CNTNAP4: variants seen among roughly 807,000 people sequenced by gnomAD.
CNTNAP4 encodes contactin associated protein family member 4, also known as contactin-associated protein-like 4.
A neutral mutation model predicts 148.4 loss-of-function variants in CNTNAP4; 98 were observed. That is an observed-to-expected ratio of 0.66 (90% CI 0.56 to 0.78). CNTNAP4 has a LOEUF of 0.78. Among genes scored for constraint, CNTNAP4 ranks in the 30% least tolerant of loss-of-function variants. The probability of loss-of-function intolerance (pLI) is 0.00; values close to 1 mark genes in which losing one functional copy is unlikely to be tolerated. For missense variants in CNTNAP4, 1,935 were observed against 1,565.6 expected (o/e 1.24, Z -3.98); for synonymous variants, 730 against 565.1 (o/e 1.29, Z -4.14).
intron 3 of CNTNAP4, among the ~76,000 whole-genome samples, chr16:76,380,376 C>G (rs977308645): frequency 6.6e-6 from 1 of 152,288 alleles, no homozygotes; most frequent in African/African-American, 2.4e-5. Flanking sequence ...TAATCAGTCT[C>G]TCAGTCTCAT....
At chr16:76,377,699 AAGG>A (rs1179342091) in intron 3 of CNTNAP4, among the ~76,000 whole-genome samples, 2 of 152,226 alleles carry the variant, frequency 1.3e-5, no homozygotes, top group African/African-American at 4.8e-5. Flanking sequence ...ACTCATAAAA[AAGG>A]AGAATAAATG....
At chr16:76,505,080 A>G (rs2082793711) in intron 15 of CNTNAP4, among the ~76,000 whole-genome samples, 1 of 152,192 alleles carries the variant, frequency 6.6e-6, no homozygotes, top group Non-Finnish European at 1.5e-5. Flanking sequence ...TTAAACCCAC[A>G]TTTACCATAT....
chr16:76,317,357 T>C (rs1428528559), intron 2 of CNTNAP4, among the ~76,000 whole-genome samples: 1 of 149,762 alleles, frequency 6.7e-6, no homozygotes, highest in Non-Finnish European at 1.5e-5. Context: ...CTTGAATATG[T>C]TAAAAGGAAA....
intron 15 of CNTNAP4, among the ~76,000 whole-genome samples, chr16:76,511,654 T>C (rs1212878306): frequency 6.6e-6 from 1 of 152,178 alleles, no homozygotes; most frequent in Non-Finnish European, 1.5e-5. Flanking sequence ...CTTTATCTTA[T>C]TGGGTTTATC....
intron 15 of CNTNAP4, among the ~76,000 whole-genome samples, chr16:76,506,853 G>C (rs1012693024): frequency 5.2e-5 from 5 of 96,124 alleles, no homozygotes; most frequent in African/African-American, 1.3e-4. Flanking sequence ...CAGCCAGTGA[G>C]GTTCACAGGC....
intron 2 of CNTNAP4, 21 bp from the exon 3 acceptor site, chr16:76,355,297 T>C (rs2012433456): frequency 2.0e-6 from 3 of 1,490,000 alleles, no homozygotes; most frequent in Non-Finnish European, 9.0e-7. Context: ...AATTTTCTCC[T>C]GTTTCTATTT....
intron 3 of CNTNAP4, among the ~76,000 whole-genome samples, chr16:76,403,163 A>G (rs2078478990): frequency 6.7e-6 from 1 of 149,890 alleles, no homozygotes; most frequent in Non-Finnish European, 1.5e-5. Flanking sequence ...CGCGATCTCG[A>G]CTCACTGCAA....
intron 3 of CNTNAP4, among the ~76,000 whole-genome samples, chr16:76,374,763 T>G (rs34193737): frequency 0.16 from 24,458 of 148,632 alleles, 2,628 homozygotes; most frequent in East Asian, 0.45. Context: ...ATTATTATTA[T>G]TATTATTATT....
intron 17 of CNTNAP4, among the ~76,000 whole-genome samples, chr16:76,527,706 T>C (rs1231898661): frequency 6.6e-6 from 1 of 152,192 alleles, no homozygotes. Context: ...TAAAATTGTA[T>C]GGTATTTGAG....
At chr16:76,317,252 C>CAAAAAAAAAAACAAAAAAAAA (rs1961863055) in intron 2 of CNTNAP4, among the ~76,000 whole-genome samples, 1 of 86,282 alleles carries the variant, frequency 1.2e-5, no homozygotes, top group Non-Finnish European at 2.4e-5. Context: ...GACCCTGTCT[C>CAAAAAAAAAAACAAAAAAAAA]AAAAAAAAAA....
At chr16:76,298,481 CATGTATGTGTGTGTGT>C (rs1307574061) in intron 1 of CNTNAP4, among the ~76,000 whole-genome samples, 1 of 134,832 alleles carries the variant, frequency 7.4e-6, no homozygotes, top group African/African-American at 2.8e-5. Context: ...CATGTGTGTA[CATGTATGTGTGTGTGT>C]GTGTGTGTGT....
intron 20 of CNTNAP4, among the ~76,000 whole-genome samples, chr16:76,540,461 C>T (rs1419237854): frequency 6.6e-6 from 1 of 151,732 alleles, no homozygotes; most frequent in Non-Finnish European, 1.5e-5. Context: ...GTAGGGTGCA[C>T]TGGCATCTGA....
intron 1 of CNTNAP4, among the ~76,000 whole-genome samples, chr16:76,303,459 C>A (rs1012064434): frequency 1.3e-5 from 2 of 152,162 alleles, no homozygotes; most frequent in African/African-American, 4.8e-5. Context: ...TCAATTTTCC[C>A]TCCAGGAATC....
chr16:76,503,305 C>G (rs998177998), intron 15 of CNTNAP4, among the ~76,000 whole-genome samples: 12 of 152,086 alleles, frequency 7.9e-5, no homozygotes, highest in African/African-American at 2.9e-4. Flanking sequence ...TATTAAGTTG[C>G]AGCAAAAGTT....
At chr16:76,520,817 C>A (rs904871934) in intron 15 of CNTNAP4, among the ~76,000 whole-genome samples, 1 of 152,054 alleles carries the variant, frequency 6.6e-6, no homozygotes, top group Admixed American at 6.6e-5. Flanking sequence ...TTTGGCAGAT[C>A]GTATAATATC....
At chr16:76,455,171 G>A (rs74025007) in intron 8 of CNTNAP4, among the ~76,000 whole-genome samples, 3,118 of 152,134 alleles carry the variant, frequency 0.02, 106 homozygotes, top group African/African-American at 0.072. Flanking sequence ...TTTAGTCGTT[G>A]CCACCTTTAT....
intron 9 of CNTNAP4, 151 bp from the exon 10 acceptor site, chr16:76,467,201 G>A: frequency 3.1e-6 from 2 of 650,204 alleles, no homozygotes; most frequent in Non-Finnish European, 5.1e-6. Flanking sequence ...TTGTAATTTA[G>A]ATCAAACTAA....
chr16:76,460,367 C>G (rs2080894671), intron 8 of CNTNAP4, among the ~76,000 whole-genome samples: 1 of 151,808 alleles, frequency 6.6e-6, no homozygotes, highest in Non-Finnish European at 1.5e-5. Flanking sequence ...CCTCAGCCTC[C>G]CAAAGTACTG....
intron 4 of CNTNAP4, among the ~76,000 whole-genome samples, chr16:76,445,591 C>T (rs1267832026): frequency 1.3e-5 from 2 of 152,070 alleles, no homozygotes; most frequent in Non-Finnish European, 2.9e-5. Context: ...ATGTTTTTCT[C>T]TATGCCATTT....
Sources: allele counts gnomAD v4.1 joint callset (sites outside exome capture counted in the v4.1 genomes callset), GRCh38; gene constraint gnomAD v4.1.1; transcripts MANE v1.5; gene names NCBI Gene and HGNC (gene_info 2026-07-23, HGNC 2026-07-21).